Variants in PDCD11 observed in about 807,000 individuals in gnomAD.
The protein encoded by PDCD11 is protein RRP5 homolog.
In PDCD11, 97 loss-of-function variants were observed where a neutral mutation model predicts 198.9. That is an observed-to-expected ratio of 0.49 (90% confidence interval 0.41 to 0.58). The LOEUF is 0.58. Among genes scored for constraint, PDCD11 ranks in the 20% least tolerant of loss-of-function variants. PDCD11 has a pLI of 0.00. For synonymous variants in PDCD11, 893 were observed against 918.0 expected (o/e 0.97, Z 0.49); for missense variants, 2,102 against 2,312.7 (o/e 0.91, Z 1.87).
At chr10:103,443,688 T>TC (rs766858942) in intron 33 of PDCD11, among the ~76,000 whole-genome samples, 5 of 152,130 alleles carry the variant, frequency 3.3e-5, no homozygotes, top group Non-Finnish European at 5.9e-5. Flanking sequence ...AGGACCGCCC[T>TC]CCCATGGGTG....
At position 103,427,367 on chromosome 10, in the gene PDCD11, T is replaced by C. The variant is rs749330719; in HGVS notation, c.3344T>C (p.Ile1115Thr). Residue 1115 changes from isoleucine (I) to threonine (T), a missense_variant, in exon 21 of 36, where the codon ATC becomes ACC. By Grantham distance (89) the Ile-to-Thr change is moderately conservative. Coordinates refer to ENST00000369797, the MANE Select transcript of PDCD11 (RefSeq NM_014976.2). Reference protein sequence around the residue: ...PISHPRFVRTIPELSVRPSEL... With the variant: ...PISHPRFVRTTPELSVRPSEL... Reference sequence around the variant, plus strand: ...AGTCACCCCAGATTCGTTCGAACCATCCCGGAGCTGAGTGTTCGGCCAAGG... The same window carrying C: ...AGTCACCCCAGATTCGTTCGAACCACCCCGGAGCTGAGTGTTCGGCCAAGG... 2.5e-6 allele frequency: 4 copies of C among 1,612,490 alleles called. No homozygotes were observed. In the African/African-American group the frequency reaches 5.3e-5, roughly 22 times the overall value.
At chr10:103,403,309 T>G in intron 4 of PDCD11, 24 bp downstream of exon 4, 1 of 1,596,728 alleles carries the variant, frequency 6.3e-7, no homozygotes. Flanking sequence ...GAATGAAGCC[T>G]GTTATTGAAA....
At position 103,431,983 on chromosome 10, in the gene PDCD11, C is replaced by T. The variant is rs2031953594; in HGVS notation, c.3369-146C>T. 3 of 600,984 alleles carry T rather than the reference C, an allele frequency of 5.0e-6. No homozygotes were observed. The South Asian group carries it at 5.7e-5, about 11-fold the overall frequency. 37.2% of individuals were successfully genotyped at this position (600,984 alleles called of 1,614,324 possible). A position where few individuals can be genotyped will look rare whatever the true frequency, so the allele number is the denominator to read the frequency against. On this transcript the variant is annotated intron_variant, in intron 21 of 35. Coordinates refer to ENST00000369797, the MANE Select transcript of PDCD11 (RefSeq NM_014976.2). Reference sequence around the variant, plus strand: ...TCGGGCCAGTATTGTGGACATTCCCCTTTGAGGAGAGAAACGGCCTTGGAG... The same window carrying T: ...TCGGGCCAGTATTGTGGACATTCCCTTTTGAGGAGAGAAACGGCCTTGGAG...
chr10:103,439,905 G>A, intron 28 of PDCD11, 37 bp downstream of exon 28: 1 of 1,612,948 alleles, frequency 6.2e-7, no homozygotes, highest in Non-Finnish European at 8.5e-7. Flanking sequence ...TCTGTAATGT[G>A]AATCAAACCC....
intron 16 of PDCD11, among the ~76,000 whole-genome samples, chr10:103,420,209 C>T (rs1023063287): frequency 6.6e-6 from 1 of 152,030 alleles, no homozygotes; most frequent in African/African-American, 2.4e-5. Flanking sequence ...ATGTTCCTCT[C>T]GCCCAGCTGT....
At chr10:103,408,395 A>G (rs2030590914) in intron 7 of PDCD11, among the ~76,000 whole-genome samples, 1 of 152,054 alleles carries the variant, frequency 6.6e-6, no homozygotes, top group African/African-American at 2.4e-5. Context: ...ATCCTGGGAG[A>G]GCCTCTCAAC....
At chr10:103,402,723 G>C (rs1191512233) in intron 3 of PDCD11, among the ~76,000 whole-genome samples, 1 of 151,554 alleles carries the variant, frequency 6.6e-6, no homozygotes, top group African/African-American at 2.4e-5. Flanking sequence ...ACAGGCATGA[G>C]CCACTGTACC....
intron 11 of PDCD11, 59 bp downstream of exon 11, chr10:103,414,389 G>T: frequency 8.0e-7 from 1 of 1,251,370 alleles, no homozygotes; most frequent in Non-Finnish European, 1.2e-6. Context: ...TTTAGTTCAC[G>T]CACAGGTGAC....
rs1337259676 is a variant in PDCD11, at chr10:103,432,419, A to G, written c.3474+185A>G. Among the ~76,000 whole-genome samples the G allele has an allele frequency of 2.0e-5, 3 of 152,248 alleles. No homozygotes were observed. The East Asian group carries it at 5.8e-4, about 29-fold the overall frequency. ...TCTGGTCTAATTAGGGAGCTAAAAT[A>G]TGGCTTACACACAATTAGCAAGCAG... On this transcript the variant is annotated intron_variant, in intron 22 of 35. Coordinates refer to ENST00000369797, the MANE Select transcript of PDCD11 (RefSeq NM_014976.2).
chr10:103,413,954 G>T lies in PDCD11; in HGVS notation c.1186-12G>T. 6.2e-7 allele frequency: 1 copy of T among 1,603,954 alleles called. No homozygotes were observed. The highest frequency in any genetic ancestry group is 1.1e-5 in the South Asian group (1 of 89,516). The stretch of plus-strand genomic sequence containing the variant: ...GTCCCTGGCTTATCCTCAATCACTT[G>T]GTACTTTGCAGCTCAGCCATCTCTC... On this transcript the variant is annotated splice_polypyrimidine_tract_variant and intron_variant, in intron 9 of 35. Transcript: ENST00000369797.
rs201079225 is a variant in PDCD11 at position 103,434,934 on chromosome 10, C to T, written c.3804C>T (p.Ser1268=). ...VSIFHMSDSY[S]ETPLEDFVPQ... ...TATTTCACATGAGTGACTCCTACTC[C>T]GAGACGCCCCTGGAAGACTTCGTCC... is the stretch of plus-strand genomic sequence containing the variant. The change falls in exon 25 of 36, where the codon TCC becomes TCT. Residue 1268 remains serine (S), a synonymous_variant. Coordinates refer to ENST00000369797, the MANE Select transcript of PDCD11 (RefSeq NM_014976.2). 36 of 1,594,884 alleles carry T rather than the reference C, an allele frequency of 2.3e-5. No homozygotes were observed. Among genetic ancestry groups the T allele is most frequent in the Middle Eastern group, 1.7e-4 (1 of 6,012 alleles).
intron 23 of PDCD11, 47 bp from the exon 24 acceptor site, chr10:103,434,201 A>G (rs1389035429): frequency 7.4e-7 from 1 of 1,360,432 alleles, no homozygotes; most frequent in Middle Eastern, 1.8e-4. Context: ...TTTTGGATAA[A>G]TGACAGCCTT....
intron 15 of PDCD11, 77 bp downstream of exon 15, chr10:103,418,711 T>C (rs2031257817): frequency 1.6e-6 from 2 of 1,215,452 alleles, no homozygotes; most frequent in African/African-American, 1.5e-5. Flanking sequence ...CTGGGGAAAT[T>C]AGACAGCTAT....
chr10:103,429,384 AAC>A (rs1361991888), intron 21 of PDCD11, among the ~76,000 whole-genome samples: 1 of 152,174 alleles, frequency 6.6e-6, no homozygotes, highest in Non-Finnish European at 1.5e-5. Context: ...AACAAAGGAT[AAC>A]ACATATCCGT....
At position 103,416,516 on chromosome 10, in the gene PDCD11, A is replaced by G. The variant is rs1320524710; in HGVS notation, c.1544A>G (p.Lys515Arg). The change falls in exon 13 of 36, where the codon AAG becomes AGG. Residue 515 changes from lysine to arginine, a missense_variant. Physicochemically the swap from Lys to Arg is conservative, Grantham distance 26 (BLOSUM62 2). Coordinates refer to ENST00000369797, the MANE Select transcript of PDCD11 (RefSeq NM_014976.2). ...GTTTTGCTTTGTGACCCTGAAGCCA[A>G]GAAGCTGATGATGACCCTGAAAAAA... is the stretch of plus-strand genomic sequence containing the variant. ...CRVLLCDPEA[K>R]KLMMTLKKTL... is the part of the protein sequence containing the mutation. 6.2e-7 allele frequency: 1 copy of G among 1,614,184 alleles called. No homozygotes were observed.
chr10:103,436,518 C>G (rs1420213354), intron 25 of PDCD11, among the ~76,000 whole-genome samples: 2 of 152,182 alleles, frequency 1.3e-5, no homozygotes, highest in Admixed American at 1.3e-4. Flanking sequence ...AGTAACTGCC[C>G]TCTCCTGTCT....
intron 34 of PDCD11, 81 bp from the exon 35 acceptor site, chr10:103,444,436 G>A: frequency 7.5e-7 from 1 of 1,336,758 alleles, no homozygotes; most frequent in Non-Finnish European, 1.1e-6. Flanking sequence ...GGAGTCAGGT[G>A]CACGCTGACC....
chr10:103,410,555 T>C, intron 8 of PDCD11, among the ~76,000 whole-genome samples: 1 of 151,756 alleles, frequency 6.6e-6, no homozygotes, highest in African/African-American at 2.4e-5. Flanking sequence ...TATTAGGCAA[T>C]CAGGTGTTAA....
intron 14 of PDCD11, 98 bp downstream of exon 14, chr10:103,418,030 T>TA: frequency 7.5e-7 from 1 of 1,332,236 alleles, no homozygotes; most frequent in South Asian, 1.2e-5. Context: ...AGCGGAAAGA[T>TA]AGAGGTAGCT....
Sources: gnomAD v4.1 joint callset for allele counts (sites outside exome capture counted in the v4.1 genomes callset) on GRCh38, gnomAD v4.1.1 for gene constraint, MANE v1.5 for transcripts, NCBI Gene and HGNC (gene_info 2026-07-23, HGNC 2026-07-21) for gene names.